The following DNAAF11 variants were observed in gnomAD, a reference collection of about 807,000 sequenced individuals.
The protein encoded by DNAAF11 is leucine rich repeat containing 6.
DNAAF11 carries 45 observed loss-of-function variants against 60.8 expected under a neutral mutation model. That is an observed-to-expected ratio of 0.74 (90% CI 0.58 to 0.95). The LOEUF (loss-of-function observed/expected upper bound fraction) is 0.95. Among genes scored for constraint, DNAAF11 ranks in the 40% least tolerant of loss-of-function variants. The probability of loss-of-function intolerance (pLI) is 0.00; values close to 1 mark genes in which losing one functional copy is unlikely to be tolerated. For missense variants in DNAAF11, 546 were observed against 546.2 expected (o/e 1.00, Z 0.00); for synonymous variants, 191 against 183.5 (o/e 1.04, Z -0.33).
At chr8:132,652,547 G>T (rs921966614) in intron 3 of DNAAF11, among the ~76,000 whole-genome samples, 1 of 152,066 alleles carries the variant, frequency 6.6e-6, no homozygotes, top group Non-Finnish European at 1.5e-5. Flanking sequence ...TCAGAACATA[G>T]AAGTTTAGAA....
intron 7 of DNAAF11, 127 bp downstream of exon 7, chr8:132,622,484 C>T: frequency 1.6e-6 from 1 of 632,902 alleles, no homozygotes; most frequent in South Asian, 2.6e-5. Flanking sequence ...TATTTTTAGA[C>T]TCATCAAACT....
At chr8:132,699,752 T>A in the DNAAF11 span, among the ~76,000 whole-genome samples, 1 of 152,160 alleles carries the variant, frequency 6.6e-6, no homozygotes, top group African/African-American at 2.4e-5. Context: ...CAGTGGACTA[T>A]TATTCAGCCA....
chr8:132,702,161 C>G, the DNAAF11 span: 2 of 152,130 alleles, frequency 1.3e-5, no homozygotes, highest in Admixed American at 1.3e-4. Flanking sequence ...CTTATTTGGT[C>G]TTCTCTATGA....
At chr8:132,607,444 G>A (rs141396138) in intron 10 of DNAAF11, among the ~76,000 whole-genome samples, 554 of 152,272 alleles carry the variant, frequency 3.6e-3, no homozygotes, top group Non-Finnish European at 5.1e-3. Flanking sequence ...AAGGGGCTGA[G>A]CTGGGAACAT....
chr8:132,649,875 C>T lies in DNAAF11; in HGVS notation c.256+6955G>A, dbSNP rs1563684459. ...TTAAAACATCAAGAAACAACAGGTGCTGGAGAGGATGTGGAGAAATAGGAA... is the reference window on the plus strand; with the variant it reads ...TTAAAACATCAAGAAACAACAGGTGTTGGAGAGGATGTGGAGAAATAGGAA... On this transcript the variant is annotated intron_variant, in intron 3 of 11. Transcript: ENST00000620350. Among the ~76,000 whole-genome samples, 8 of 152,162 alleles carry T rather than the reference C, an allele frequency of 5.3e-5. No homozygotes were observed. In the South Asian group the frequency reaches 1.7e-3, roughly 32 times the overall value.
chr8:132,609,024 C>T (rs1818384327), intron 10 of DNAAF11, among the ~76,000 whole-genome samples: 1 of 152,144 alleles, frequency 6.6e-6, no homozygotes, highest in South Asian at 2.1e-4. Context: ...TTTTCCTCAT[C>T]AGCAGAACCC....
chr8:132,651,471 C>G (rs1169395100), intron 3 of DNAAF11, among the ~76,000 whole-genome samples: 5 of 152,102 alleles, frequency 3.3e-5, no homozygotes, highest in Non-Finnish European at 5.9e-5. Context: ...TTCCCACTAT[C>G]CCCCTCCACC....
chr8:132,643,706 A>G, intron 3 of DNAAF11: 1 of 456,290 alleles, frequency 2.2e-6, no homozygotes, highest in Non-Finnish European at 4.4e-6. Flanking sequence ...GAATATCAAG[A>G]AACAGCAGAT....
intron 2 of DNAAF11, among the ~76,000 whole-genome samples, chr8:132,659,732 A>G (rs2130801416): frequency 6.6e-6 from 1 of 152,312 alleles, no homozygotes; most frequent in East Asian, 1.9e-4. Flanking sequence ...GCCTGAGGCT[A>G]ATTTTCAATT....
chr8:132,596,207 T>C lies in DNAAF11; in HGVS notation c.1141-12428A>G, dbSNP rs1817002251. Among the ~76,000 whole-genome samples the C allele has an allele frequency of 2.0e-5, 3 of 152,188 alleles. 1 individual carries two copies. The highest frequency in any genetic ancestry group is 4.4e-5 in the Non-Finnish European group (3 of 68,032). On this transcript the variant is annotated intron_variant, in intron 10 of 11. Transcript: ENST00000620350. ...ATTGGCAGGTGCATACAAAATGTCATTGATTCTCAGGCCAATAATTTGCTA... is the reference window on the plus strand; with the variant it reads ...ATTGGCAGGTGCATACAAAATGTCACTGATTCTCAGGCCAATAATTTGCTA...
At chr8:132,645,370 C>A (rs954738007) in intron 3 of DNAAF11, among the ~76,000 whole-genome samples, 2 of 152,142 alleles carry the variant, frequency 1.3e-5, no homozygotes, top group Admixed American at 6.5e-5. Context: ...GATAAAACCA[C>A]AAAGATGGGG....
intron 1 of DNAAF11, among the ~76,000 whole-genome samples, chr8:132,674,537 C>A (rs531305998): frequency 1.3e-5 from 2 of 152,330 alleles, no homozygotes; most frequent in East Asian, 3.9e-4. Context: ...CAAAATGGTT[C>A]ATACAATATA....
At chr8:132,662,974 A>AGGAGATAC (rs1824279080) in intron 1 of DNAAF11, among the ~76,000 whole-genome samples, 1 of 152,262 alleles carries the variant, frequency 6.6e-6, no homozygotes, top group African/African-American at 2.4e-5. Context: ...TTCTAGTGGT[A>AGGAGATAC]GGAGATACGG....
chr8:132,684,651 A>C, the DNAAF11 span, among the ~76,000 whole-genome samples: 2 of 152,198 alleles, frequency 1.3e-5, no homozygotes, highest in African/African-American at 4.8e-5. Context: ...AGATAAATAA[A>C]GACACTAGAG....
chr8:132,649,924 T>C (rs1045216036), intron 3 of DNAAF11, among the ~76,000 whole-genome samples: 6 of 152,236 alleles, frequency 3.9e-5, no homozygotes, highest in Non-Finnish European at 1.5e-5. Context: ...TTAGTGGGAC[T>C]GTAAACTAGT....
intron 4 of DNAAF11, among the ~76,000 whole-genome samples, chr8:132,636,585 T>C (rs1314559418): frequency 6.6e-6 from 1 of 152,166 alleles, no homozygotes; most frequent in Non-Finnish European, 1.5e-5. Flanking sequence ...ACCTCTAGCC[T>C]GACCAGGCTC....
chr8:132,577,695 G>T (rs1323949558), intron 11 of DNAAF11, among the ~76,000 whole-genome samples: 1 of 152,168 alleles, frequency 6.6e-6, no homozygotes, highest in Non-Finnish European at 1.5e-5. Flanking sequence ...GCCTTGCTCC[G>T]TTGCCCAGGC....
intron 1 of DNAAF11, among the ~76,000 whole-genome samples, chr8:132,670,074 A>G (rs1825037942): frequency 6.6e-6 from 1 of 152,106 alleles, no homozygotes; most frequent in African/African-American, 2.4e-5. Flanking sequence ...AAGGTCTCAA[A>G]TATTGGCTTC....
intron 11 of DNAAF11, among the ~76,000 whole-genome samples, chr8:132,583,016 G>A (rs1311906447): frequency 6.6e-6 from 1 of 152,154 alleles, no homozygotes; most frequent in Non-Finnish European, 1.5e-5. Context: ...AGCAGAGCCT[G>A]GACCTTCATT....
Sources: allele counts gnomAD v4.1 joint callset (sites outside exome capture counted in the v4.1 genomes callset), GRCh38; gene constraint gnomAD v4.1.1; transcripts MANE v1.5; gene names NCBI Gene and HGNC (gene_info 2026-07-23, HGNC 2026-07-21).